Variants in AZIN1 observed in about 807,000 individuals in gnomAD.
AZIN1 encodes the protein antizyme inhibitor 1.
In AZIN1, 12 loss-of-function variants were observed where a neutral mutation model predicts 47.4. That is an observed-to-expected ratio of 0.25 (90% CI 0.16 to 0.41). AZIN1 has a LOEUF of 0.41. Ranked by LOEUF, AZIN1 falls within the 10% of genes least tolerant of loss-of-function variation. The pLI is 1.00. For synonymous variants in AZIN1, 155 were observed against 176.3 expected (o/e 0.88, Z 0.96); for missense variants, 410 against 532.4 (o/e 0.77, Z 2.26).
intron 1 of AZIN1, among the ~76,000 whole-genome samples, chr8:102,863,424 G>A (rs1813880041): frequency 6.6e-6 from 1 of 151,022 alleles, no homozygotes. Flanking sequence ...CTGCGGCCGG[G>A]CCCCCTCCCC....
chr8:102,860,501 G>T (rs1374408148), intron 1 of AZIN1, among the ~76,000 whole-genome samples: 1 of 151,960 alleles, frequency 6.6e-6, no homozygotes, highest in Non-Finnish European at 1.5e-5. Context: ...CTGACCTTGC[G>T]ATCCACCCAC....
rs760976847 is a variant in AZIN1 at position 102,834,656 on chromosome 8, AAG to A, written c.666+8_666+9del. The A allele has an allele frequency of 6.3e-7, 1 of 1,578,678 alleles. No individual in the cohort carries two copies. The highest frequency in any genetic ancestry group is 8.6e-7 in the Non-Finnish European group (1 of 1,156,534). On this transcript the variant is annotated splice_region_variant and intron_variant, in intron 7 of 11. Transcript: ENST00000337198. ...TAAAATATCAAAATAACTTAAAAGA[AAG>A]AACTTACAGCCATGTCAAACACACA...
At chr8:102,843,505 A>C in intron 3 of AZIN1, 46 bp downstream of exon 3, 2 of 1,522,074 alleles carry the variant, frequency 1.3e-6, no homozygotes, top group Non-Finnish European at 1.8e-6. Context: ...CACTCGTTTC[A>C]GAGCTTGGAA....
At chr8:102,840,942 T>G (rs1054843070) in intron 3 of AZIN1, among the ~76,000 whole-genome samples, 5 of 151,768 alleles carry the variant, frequency 3.3e-5, no homozygotes, top group African/African-American at 1.2e-4. Flanking sequence ...GACACAAAGT[T>G]TATATTTAAT....
rs137856183 is a variant in AZIN1 at position 102,836,579 on chromosome 8, A to G, written c.450-189T>C. ...AAAACTAGCAATTAGGGCCTAAAGC[A>G]TGAAGCTTACAAGGATGGGATTTTG... On this transcript the variant is annotated intron_variant, in intron 5 of 11. Coordinates refer to ENST00000337198, the MANE Select transcript of AZIN1 (RefSeq NM_148174.4). 1.5e-3 allele frequency: 894 copies of G among 586,382 alleles called. 7 individuals are homozygous for G. The African/African-American group carries it at 0.016, about 10-fold the overall frequency. The allele number at this position is 586,382 out of a possible 1,614,324, so 36.3% of individuals were successfully genotyped here.
chr8:102,857,046 T>G (rs567916822), intron 2 of AZIN1, among the ~76,000 whole-genome samples: 1 of 152,336 alleles, frequency 6.6e-6, no homozygotes, highest in Admixed American at 6.5e-5. Context: ...GGATTCACAT[T>G]TGCTCAAATT....
intron 2 of AZIN1, among the ~76,000 whole-genome samples, chr8:102,844,310 C>T (rs575407163): frequency 4.0e-5 from 6 of 151,704 alleles, no homozygotes; most frequent in African/African-American, 1.2e-4. Context: ...AGTTTGAGAC[C>T]GGCCTGGACA....
chr8:102,856,142 T>C (rs1407471678), intron 2 of AZIN1: 2 of 149,534 alleles, frequency 1.3e-5, no homozygotes, highest in South Asian at 2.1e-4. Context: ...AAGGAAGCTA[T>C]AAAAAAATTT....
chr8:102,863,615 C>T (rs1318487908), intron 1 of AZIN1, among the ~76,000 whole-genome samples, 192 bp downstream of exon 1: 1 of 131,604 alleles, frequency 7.6e-6, no homozygotes, highest in African/African-American at 2.8e-5. Flanking sequence ...AGGCGCGGCC[C>T]GCCGCCCAGC....
chr8:102,831,659 A>T (rs1304097877), intron 9 of AZIN1, among the ~76,000 whole-genome samples: 1 of 151,336 alleles, frequency 6.6e-6, no homozygotes, highest in African/African-American at 2.4e-5. Context: ...AAAAAAAAAA[A>T]AAAATCATAA....
rs1022784302 is a variant in AZIN1 at position 102,842,732 on chromosome 8, C to CA, written c.102+818dup. Among the ~76,000 whole-genome samples, 293 of 141,618 alleles carry CA rather than the reference C, an allele frequency of 2.1e-3. 6 individuals are homozygous for CA. In the East Asian group the frequency reaches 0.04, roughly 19 times the overall value. 92.9% of individuals were successfully genotyped at this position (141,618 alleles called of 152,430 possible). A position where few individuals can be genotyped will look rare whatever the true frequency, so the allele number is the denominator to read the frequency against. ...AAAAAAAAAAACAAAAAACAAAAAA[C>CA]AAAAAAAAAACCACTTAGCTGGGCA... is the stretch of plus-strand genomic sequence containing the variant. On this transcript the variant is annotated intron_variant, in intron 3 of 11. Transcript: ENST00000337198.
chr8:102,857,605 GATAT>G (rs753787347), intron 2 of AZIN1, among the ~76,000 whole-genome samples: 6 of 151,604 alleles, frequency 4.0e-5, no homozygotes, highest in Non-Finnish European at 8.8e-5. Context: ...TATAAATTGA[GATAT>G]ATATATGTAT....
intron 1 of AZIN1, 45 bp downstream of exon 1, chr8:102,863,762 G>C (rs887190426): frequency 7.9e-5 from 12 of 152,668 alleles, no homozygotes; most frequent in Non-Finnish European, 1.2e-4. Context: ...CCCAAGGCCA[G>C]CCCCGCGTCC....
intron 2 of AZIN1, among the ~76,000 whole-genome samples, chr8:102,849,485 G>T (rs867570856): frequency 6.6e-6 from 1 of 151,862 alleles, no homozygotes; most frequent in South Asian, 2.1e-4. Flanking sequence ...CTGATTTACT[G>T]GCTGCAACAC....
chr8:102,830,800 G>C (rs928942087), intron 9 of AZIN1, among the ~76,000 whole-genome samples: 3 of 152,188 alleles, frequency 2.0e-5, no homozygotes, highest in African/African-American at 7.2e-5. Flanking sequence ...AAACATCAGA[G>C]AGCAGGAGGA....
chr8:102,836,539 A>T lies in AZIN1; in HGVS notation c.450-149T>A, dbSNP rs192874208. 540 of 817,604 alleles carry T rather than the reference A, an allele frequency of 6.6e-4. 2 individuals carry two copies. Among genetic ancestry groups the T allele is most frequent in the Non-Finnish European group, 8.6e-4 (449 of 520,792 alleles). 50.6% of individuals were successfully genotyped at this position (817,604 alleles called of 1,614,324 possible). A position where few individuals can be genotyped will look rare whatever the true frequency, so the allele number is the denominator to read the frequency against. Reference sequence around the variant, plus strand: ...AATCAAGTGAACCTAATGAAAAACAATCCTGTATAGAGAAAAAACTAGCAA... The same window carrying T: ...AATCAAGTGAACCTAATGAAAAACATTCCTGTATAGAGAAAAAACTAGCAA... On this transcript the variant is annotated intron_variant, in intron 5 of 11. Coordinates refer to ENST00000337198, the MANE Select transcript of AZIN1 (RefSeq NM_148174.4).
chr8:102,831,237 A>G (rs188670202), intron 9 of AZIN1, among the ~76,000 whole-genome samples: 1 of 152,322 alleles, frequency 6.6e-6, no homozygotes, highest in Admixed American at 6.5e-5. Flanking sequence ...TTGAATAAAG[A>G]TCTATGAGTC....
chr8:102,834,564 G>A, intron 7 of AZIN1, 102 bp downstream of exon 7: 1 of 857,574 alleles, frequency 1.2e-6, no homozygotes, highest in Admixed American at 2.5e-5. Context: ...GTGTCACGTT[G>A]AATGTAGTCA....
chr8:102,846,066 TGTA>T (rs1163681352), intron 2 of AZIN1, among the ~76,000 whole-genome samples: 1 of 152,226 alleles, frequency 6.6e-6, no homozygotes, highest in East Asian at 1.9e-4. Context: ...CTAATATATA[TGTA>T]GTATTTAGTA....
Sources: gnomAD v4.1 joint callset for allele counts (sites outside exome capture counted in the v4.1 genomes callset) on GRCh38, gnomAD v4.1.1 for gene constraint, MANE v1.5 for transcripts, NCBI Gene and HGNC (gene_info 2026-07-23, HGNC 2026-07-21) for gene names.